PRXL2B: variants seen among roughly 807,000 people sequenced by gnomAD.
PRXL2B encodes peroxiredoxin like 2B.
PRXL2B carries 26 observed loss-of-function variants against 24.4 expected under a neutral mutation model. That is an observed-to-expected ratio of 1.07 (90% CI 0.78 to 1.48). The LOEUF (loss-of-function observed/expected upper bound fraction) is 1.48. Among genes scored for constraint, PRXL2B ranks in the 40% most tolerant of loss-of-function variants. The pLI is 0.00. For synonymous variants in PRXL2B, 115 were observed against 118.9 expected, an observed-to-expected ratio of 0.97 and a Z score of 0.21; for missense variants, 269 against 264.8, an observed-to-expected ratio of 1.02 and a Z score of -0.11.
At position 2,589,781 on chromosome 1, in the gene PRXL2B, C is replaced by A; in HGVS notation, c.*354C>A. ...GGTAACCTCACTGCCCCGTCACTCCCTTCAAAGGCGACAGACCCAAGCCCA... is the reference window on the plus strand; with the variant it reads ...GGTAACCTCACTGCCCCGTCACTCCATTCAAAGGCGACAGACCCAAGCCCA... On this transcript the variant is annotated 3_prime_UTR_variant, in exon 7 of 7. Coordinates refer to ENST00000419916, the MANE Select transcript of PRXL2B (RefSeq NM_152371.5). 1 of 392,448 alleles carries A rather than the reference C, an allele frequency of 2.5e-6. No individual in the cohort carries two copies. Among genetic ancestry groups the A allele is most frequent in the Non-Finnish European group, 4.6e-6 (1 of 215,382 alleles). 24.3% of individuals were successfully genotyped at this position (392,448 alleles called of 1,614,324 possible).
chr1:2,586,724 A>G (rs1570613432), upstream of PRXL2B: 10 of 1,189,270 alleles, frequency 8.4e-6, no homozygotes, highest in Non-Finnish European at 1.0e-5. Context: ...ACGAGCCCGA[A>G]GGGGCGGGGC....
Position 2,588,996 on chromosome 1 carries a change from G to C in PRXL2B, c.535G>C (p.Val179Leu), listed in dbSNP as rs1475459013. Residue 179 changes from valine (V) to leucine (L), a missense_variant, in exon 6 of 7, where the codon GTC (valine) becomes CTC (leucine). Physicochemically the swap from Val to Leu is conservative, Grantham distance 32. Coordinates refer to ENST00000419916, the MANE Select transcript of PRXL2B (RefSeq NM_152371.5). Reference protein sequence around the residue: ...DYVPKEHILQVLGISAEVCAS... With the variant: ...DYVPKEHILQLLGISAEVCAS... ...CGTCCCCAAGGAGCACATCCTGCAG[G>C]TCCTGGGCATCTCTGCGGAGGTCTG... 1 of 1,613,190 alleles carries C rather than the reference G, an allele frequency of 6.2e-7. No homozygotes were observed. The highest frequency in any genetic ancestry group is 2.2e-5 in the East Asian group (1 of 44,896).
intron 5 of PRXL2B, 130 bp from the exon 6 acceptor site, chr1:2,588,792 G>A: frequency 8.5e-7 from 1 of 1,182,494 alleles, no homozygotes; most frequent in Non-Finnish European, 1.2e-6. Flanking sequence ...TGGCAGAACA[G>A]CTCACTCATC....
rs1045061397 is a variant in PRXL2B at position 2,586,957 on chromosome 1, G to A, written c.63+9G>A. On this transcript the variant is annotated intron_variant, in intron 1 of 6. Transcript: ENST00000419916. ...ATGCGGTGACCGGGGAGGTGAGGCC[G>A]GGTGGACGCAGGGCGGTGGGCGCGT... 1.5e-6 allele frequency: 2 copies of A among 1,319,574 alleles called. No individual in the cohort carries two copies. The highest frequency in any genetic ancestry group is 1.9e-6 in the Non-Finnish European group (2 of 1,039,134). The allele number at this position is 1,319,574 out of a possible 1,614,324, so 81.7% of individuals were successfully genotyped here. A position where few individuals can be genotyped will look rare whatever the true frequency, so the allele number is the denominator to read the frequency against.
In PRXL2B at chr1:2,587,916, GGCGGC is replaced by G; in HGVS notation, c.320+125_320+129del. 8.8e-7 allele frequency: 1 copy of G among 1,141,502 alleles called. No individual in the cohort carries two copies. The highest frequency in any genetic ancestry group is 1.2e-6 in the Non-Finnish European group (1 of 811,674). The allele number at this position is 1,141,502 out of a possible 1,614,324, so 70.7% of individuals were successfully genotyped here. On this transcript the variant is annotated intron_variant, in intron 3 of 6. Coordinates refer to ENST00000419916, the MANE Select transcript of PRXL2B (RefSeq NM_152371.5). The surrounding 1 kb of genome is among the most constrained non-coding windows in gnomAD (Gnocchi z 6.1). ...TGTCCACTCGGGCCTTCCTGGGCAA[GGCGGC>G]TCTGGTGGCACTGTTGACCAGCCCT...
Position 2,587,824 on chromosome 1 carries a change from G to T in PRXL2B, c.320+32G>T. ...GGGGGCGGGAACCCTTGGGTAGCGT[G>T]GGGTGGGGGGCCCAGGGGTTCCCAC... On this transcript the variant is annotated intron_variant, in intron 3 of 6. Coordinates refer to ENST00000419916, the MANE Select transcript of PRXL2B (RefSeq NM_152371.5). The surrounding 1 kb of genome is among the most constrained non-coding windows in gnomAD (Gnocchi z 6.1). The T allele has an allele frequency of 6.4e-7, 1 of 1,564,288 alleles. No homozygotes were observed. The highest frequency in any genetic ancestry group is 2.3e-5 in the East Asian group (1 of 43,172).
At position 2,587,333 on chromosome 1, in the gene PRXL2B, T is replaced by G. The variant is rs1202522790; in HGVS notation, c.268+38T>G. 5.2e-6 allele frequency: 8 copies of G among 1,536,890 alleles called. No homozygotes were observed. The highest frequency in any genetic ancestry group is 2.0e-5 in the Admixed American group (1 of 50,948). ...CCCCGCCGCGGCGGCGCACATACCC[T>G]TCCCTAAGCTCAGGGCGTTCGGGGC... On this transcript the variant is annotated intron_variant, in intron 2 of 6. Transcript: ENST00000419916. This position sits in a 1 kb window ranked among gnomAD's most constrained non-coding sequence, Gnocchi z 6.1.
chr1:2,587,165 G>T lies in PRXL2B; in HGVS notation c.138G>T (p.Val46=), dbSNP rs1204916782. Residue 46 remains valine (V), a synonymous_variant, in exon 2 of 7, where the codon GTG becomes GTT. Transcript: ENST00000419916. The surrounding 1 kb of genome is among the most constrained non-coding windows in gnomAD (Gnocchi z 6.1). ...GGCTGCGGCGCTTCGGGTGCGTGGT[G>T]TGCCGCTGGATCGCCCAGGACCTCA... ...VAGLRRFGCV[V]CRWIAQDLSS... is the part of the protein sequence containing the mutation. The T allele has an allele frequency of 6.4e-7, 1 of 1,553,098 alleles. No homozygotes were observed.
In PRXL2B at chr1:2,590,894, G is replaced by C; in HGVS notation, c.*1467G>C. The C allele has an allele frequency of 1.0e-6, 1 of 995,908 alleles. No individual in the cohort carries two copies. Among genetic ancestry groups the C allele is most frequent in the Non-Finnish European group, 1.3e-6 (1 of 740,956 alleles). The allele number at this position is 995,908 out of a possible 1,614,324, so 61.7% of individuals were successfully genotyped here. A position where few individuals can be genotyped will look rare whatever the true frequency, so the allele number is the denominator to read the frequency against. Reference sequence around the variant, plus strand: ...AGGCAGGCTTGGCATGGTTGGCCGGGGCGGGACGTACACTGGGTCGCCGCT... The same window carrying C: ...AGGCAGGCTTGGCATGGTTGGCCGGCGCGGGACGTACACTGGGTCGCCGCT... On this transcript the variant is annotated 3_prime_UTR_variant, in exon 7 of 7. Transcript: ENST00000419916.
chr1:2,589,675 CTG>C lies in PRXL2B; in HGVS notation c.*251_*252del. 3.4e-6 allele frequency: 2 copies of C among 587,028 alleles called. No individual in the cohort carries two copies. Among genetic ancestry groups the C allele is most frequent in the East Asian group, 5.8e-5 (2 of 34,310 alleles). The allele number at this position is 587,028 out of a possible 1,614,324, so 36.4% of individuals were successfully genotyped here. A position where few individuals can be genotyped will look rare whatever the true frequency, so the allele number is the denominator to read the frequency against. On this transcript the variant is annotated 3_prime_UTR_variant, in exon 7 of 7. Coordinates refer to ENST00000419916, the MANE Select transcript of PRXL2B (RefSeq NM_152371.5). ...TGGGCCCTCAGGGCGGGCAGGGTGG[CTG>C]TGAGTCCCAGGTGTCATCTTCCTGC...
At position 2,586,960 on chromosome 1, in the gene PRXL2B, T is replaced by A. The variant is rs372631619; in HGVS notation, c.63+12T>A. ...CGGTGACCGGGGAGGTGAGGCCGGGTGGACGCAGGGCGGTGGGCGCGTCCC... is the reference window on the plus strand; with the variant it reads ...CGGTGACCGGGGAGGTGAGGCCGGGAGGACGCAGGGCGGTGGGCGCGTCCC... On this transcript the variant is annotated intron_variant, in intron 1 of 6. Transcript: ENST00000419916. 814 of 1,255,282 alleles carry A rather than the reference T, an allele frequency of 6.5e-4. 7 individuals carry two copies. In the African/African-American group the frequency reaches 0.012, roughly 19 times the overall value. 77.8% of individuals were successfully genotyped at this position (1,255,282 alleles called of 1,614,324 possible).
intron 3 of PRXL2B, among the ~76,000 whole-genome samples, chr1:2,588,135 G>A (rs1644572819): frequency 6.6e-6 from 1 of 152,154 alleles, no homozygotes; most frequent in Non-Finnish European, 1.5e-5. Flanking sequence ...AGATCCCTGG[G>A]CACACCCAGC....
In PRXL2B at chr1:2,589,403, C is replaced by T; in HGVS notation, c.580-7C>T. On this transcript the variant is annotated splice_polypyrimidine_tract_variant and splice_region_variant and intron_variant, in intron 6 of 6. Transcript: ENST00000419916. Reference sequence around the variant, plus strand: ...AGCGGCCCCATGGGACCCTGCTGTCCCCACAGTGTGACAGAGAGGTGTGAG... The same window carrying T: ...AGCGGCCCCATGGGACCCTGCTGTCTCCACAGTGTGACAGAGAGGTGTGAG... The T allele has an allele frequency of 1.9e-6, 3 of 1,613,488 alleles. No individual in the cohort carries two copies. Among genetic ancestry groups the T allele is most frequent in the East Asian group, 4.5e-5 (2 of 44,854 alleles).
Position 2,591,144 on chromosome 1 carries a change from C to A in PRXL2B, c.*1717C>A. 7.9e-7 allele frequency: 1 copy of A among 1,270,284 alleles called. No individual in the cohort carries two copies. Among genetic ancestry groups the A allele is most frequent in the Non-Finnish European group, 1.1e-6 (1 of 924,924 alleles). 78.7% of individuals were successfully genotyped at this position (1,270,284 alleles called of 1,614,324 possible). A position where few individuals can be genotyped will look rare whatever the true frequency, so the allele number is the denominator to read the frequency against. On this transcript the variant is annotated 3_prime_UTR_variant, in exon 7 of 7. Coordinates refer to ENST00000419916, the MANE Select transcript of PRXL2B (RefSeq NM_152371.5). ...CATTGCCATCTTGGACAAACATGGC[C>A]ATTTTAAGTTCTCCGTGATTAAAAA... is the stretch of plus-strand genomic sequence containing the variant.
chr1:2,587,284 A>G lies in PRXL2B; in HGVS notation c.257A>G (p.Tyr86Cys), dbSNP rs1478391483. ...LGLQEFLDGD[Y>C]FAGELYLDES... The stretch of plus-strand genomic sequence containing the variant: ...CTGCAGGAGTTCCTGGACGGCGACT[A>G]CTTCGCGGGAGGTGCGTCCTGTTCC... Residue 86 changes from tyrosine (Y) to cysteine (C), a missense_variant, in exon 2 of 7, where the codon TAC (tyrosine) becomes TGC (cysteine). Tyr to Cys is a radical substitution (Grantham distance 194). Transcript: ENST00000419916. This position sits in a 1 kb window ranked among gnomAD's most constrained non-coding sequence, Gnocchi z 6.1. 4 of 1,567,904 alleles carry G rather than the reference A, an allele frequency of 2.6e-6. No homozygotes were observed. Among genetic ancestry groups the G allele is most frequent in the South Asian group, 1.2e-5 (1 of 86,622 alleles).
At position 2,587,231 on chromosome 1, in the gene PRXL2B, G is replaced by A. The variant is rs1242912790; in HGVS notation, c.204G>A (p.Leu68=). 1.9e-6 allele frequency: 3 copies of A among 1,575,262 alleles called. No individual in the cohort carries two copies. Among genetic ancestry groups the A allele is most frequent in the Non-Finnish European group, 2.6e-6 (3 of 1,166,982 alleles). The change falls in exon 2 of 7, where the codon CTG becomes CTA. Residue 68 remains leucine, a synonymous_variant. Transcript: ENST00000419916. This position sits in a 1 kb window ranked among gnomAD's most constrained non-coding sequence, Gnocchi z 6.1. The stretch of plus-strand genomic sequence containing the variant: ...TCCTGGACCAACACGGCGTGCGCCT[G>A]GTGGGCGTAGGGCCCGAGGCCCTGG... The part of the protein sequence containing the change: ...AGLLDQHGVR[L]VGVGPEALGL...
At chr1:2,588,815 T>G in intron 5 of PRXL2B, 107 bp from the exon 6 acceptor site, 1 of 1,252,624 alleles carries the variant, frequency 8.0e-7, no homozygotes, top group East Asian at 2.3e-5. Context: ...GGTAGCCGGG[T>G]GGGGGATATG....
chr1:2,587,072 T>C lies in PRXL2B; in HGVS notation c.64-19T>C, dbSNP rs1355060236. On this transcript the variant is annotated intron_variant, in intron 1 of 6. Coordinates refer to ENST00000419916, the MANE Select transcript of PRXL2B (RefSeq NM_152371.5). The surrounding 1 kb of genome is among the most constrained non-coding windows in gnomAD (Gnocchi z 6.1). ...GGCTGGGGGCAACGGGGCGCGCCCA[T>C]GACCCAGCCGCCCGGCAGGCCGTGG... The C allele has an allele frequency of 1.9e-5, 28 of 1,492,460 alleles. No homozygotes were observed. The highest frequency in any genetic ancestry group is 2.4e-5 in the Non-Finnish European group (27 of 1,129,442). The allele number at this position is 1,492,460 out of a possible 1,614,324, so 92.5% of individuals were successfully genotyped here. A position where few individuals can be genotyped will look rare whatever the true frequency, so the allele number is the denominator to read the frequency against.
rs1570626047 is a variant in PRXL2B, at chr1:2,589,113, C to T, written c.579+73C>T. ...TAGGTCCCCTGGGAGGAGCACTCGG[C>T]TTGGCTGGGAGCTGAGCCACAGCGC... On this transcript the variant is annotated intron_variant, in intron 6 of 6. Coordinates refer to ENST00000419916, the MANE Select transcript of PRXL2B (RefSeq NM_152371.5). 75 of 1,437,696 alleles carry T rather than the reference C, an allele frequency of 5.2e-5. 1 individual carries two copies. The South Asian group carries it at 8.4e-4, about 16-fold the overall frequency. The allele number at this position is 1,437,696 out of a possible 1,614,324, so 89.1% of individuals were successfully genotyped here. A position where few individuals can be genotyped will look rare whatever the true frequency, so the allele number is the denominator to read the frequency against.
Sources: gnomAD v4.1 joint callset for allele counts (sites outside exome capture counted in the v4.1 genomes callset) on GRCh38, gnomAD v4.1.1 for gene constraint, Gnocchi (gnomAD v3.1) non-coding constraint, MANE v1.5 for transcripts, NCBI Gene and HGNC (gene_info 2026-07-23, HGNC 2026-07-21) for gene names.